Variants in HK3 observed in about 807,000 individuals in gnomAD.
HK3 encodes hexokinase-3.
In HK3, 93 loss-of-function variants were observed where a neutral mutation model predicts 91.0. The observed-to-expected ratio is 1.02, with a 90% confidence interval of 0.86 to 1.21. HK3 has a LOEUF of 1.21. HK3 is among the 50% of genes most tolerant of loss of function. The pLI is 0.00. For missense variants in HK3, 1,235 were observed against 1,247.4 expected (o/e 0.99, Z 0.15); for synonymous variants, 519 against 516.9 (o/e 1.00, Z -0.06).
chr5:176,896,255 C>A, intron 1 of HK3, 70 bp from the exon 2 acceptor site: 3 of 725,296 alleles, frequency 4.1e-6, no homozygotes, highest in South Asian at 2.3e-5. Flanking sequence ...TAACCCAGAC[C>A]AACTTCCTTC....
intron 8 of HK3, 55 bp from the exon 9 acceptor site, chr5:176,888,919 G>A: frequency 1.3e-6 from 2 of 1,576,756 alleles, no homozygotes; most frequent in South Asian, 1.1e-5. Flanking sequence ...CAGTCCACCT[G>A]GCCCTACCTC....
chr5:176,897,669 C>T (rs1156310901), intron 1 of HK3, among the ~76,000 whole-genome samples: 3 of 152,302 alleles, frequency 2.0e-5, no homozygotes, highest in East Asian at 1.9e-4. Flanking sequence ...TTGGCTTTCA[C>T]GGCCAGTCTC....
chr5:176,882,007 G>A lies in HK3; in HGVS notation c.2174C>T (p.Ala725Val), dbSNP rs2149372826. 1.9e-6 allele frequency: 3 copies of A among 1,613,336 alleles called. No homozygotes were observed. In the East Asian group the frequency reaches 6.7e-5, roughly 36 times the overall value. Residue 725 changes from alanine to valine, a missense_variant, in exon 16 of 19, where the codon GCC becomes GTC. Coordinates refer to ENST00000292432, the MANE Select transcript of HK3 (RefSeq NM_002115.3). ...TGCATCAAAGCGGGTGCTGAGCATG[G>A]CCAGAGAGCCATCGTCCCCAAAGGC... is the stretch of plus-strand genomic sequence containing the variant. ...WGAFGDDGSL[A>V]MLSTRFDASV...
chr5:176,893,869 G>A (rs1194086675), intron 2 of HK3, among the ~76,000 whole-genome samples: 2 of 152,182 alleles, frequency 1.3e-5, no homozygotes, highest in African/African-American at 2.4e-5. Flanking sequence ...GGAAGAGCAG[G>A]GAGAGACCTC....
At chr5:176,889,832 T>A in intron 6 of HK3, 88 bp from the exon 7 acceptor site, 1 of 1,024,378 alleles carries the variant, frequency 9.8e-7, no homozygotes, top group Non-Finnish European at 1.5e-6. Context: ...GGCCCTGGCT[T>A]TGAAGGAGAT....
At chr5:176,888,928 T>C in intron 8 of HK3, 64 bp from the exon 9 acceptor site, 1 of 1,539,042 alleles carries the variant, frequency 6.5e-7, no homozygotes, top group Non-Finnish European at 8.8e-7. Context: ...TGGCCCTACC[T>C]CCAAGAGTTC....
At position 176,882,933 on chromosome 5, in the gene HK3, T is replaced by C. The variant is rs370001759; in HGVS notation, c.2054-806A>G. 3.9e-5 allele frequency among the ~76,000 whole-genome samples: 6 copies of C among 152,142 alleles called. No homozygotes were observed. In the East Asian group the frequency reaches 1.2e-3, roughly 29 times the overall value. ...GTGCCAGGTGCTGGGTTCAAAAACCTCCCCCTCAAGAGAGGCTGCCACATG... is the reference window on the plus strand; with the variant it reads ...GTGCCAGGTGCTGGGTTCAAAAACCCCCCCCTCAAGAGAGGCTGCCACATG... On this transcript the variant is annotated intron_variant, in intron 15 of 18. Transcript: ENST00000292432.
At chr5:176,895,428 C>A (rs1019471977) in intron 2 of HK3, among the ~76,000 whole-genome samples, 1 of 152,184 alleles carries the variant, frequency 6.6e-6, no homozygotes, top group Non-Finnish European at 1.5e-5. Flanking sequence ...GAGGATTAGA[C>A]TTTATTTTCC....
chr5:176,883,730 G>A, intron 15 of HK3, 40 bp downstream of exon 15: 1 of 1,506,372 alleles, frequency 6.6e-7, no homozygotes, highest in Non-Finnish European at 9.2e-7. Context: ...GCAGCAAATT[G>A]CCAAGCAGTA....
At chr5:176,882,425 G>A (rs983569625) in intron 15 of HK3, among the ~76,000 whole-genome samples, 2 of 152,192 alleles carry the variant, frequency 1.3e-5, no homozygotes, top group African/African-American at 4.8e-5. Context: ...TGGGAGACAT[G>A]TGACATCCCC....
chr5:176,887,629 G>GGCAGGCGCCGGTGGGCAGCCAGACGT lies in HK3; in HGVS notation c.1421_1422insACGTCTGGCTGCCCACCGGCGCCTGC (p.Leu483ProfsTer19). 6.2e-7 allele frequency: 1 copy of GGCAGGCGCCGGTGGGCAGCCAGACGT among 1,613,552 alleles called. No individual in the cohort carries two copies. The highest frequency in any genetic ancestry group is 8.5e-7 in the Non-Finnish European group (1 of 1,179,918). On this transcript the variant is annotated frameshift_variant, in exon 11 of 19. Transcript: ENST00000292432. LOFTEE classifies it high-confidence loss of function. The surrounding 1 kb of genome is among the most constrained non-coding windows in gnomAD (Gnocchi z 4.9). ...GCAGGCGCCGGTGGGCAGCCAGACGGGCAGCCACGGCAGTCACCATCGCCA... is the reference window on the plus strand; with the variant it reads ...GCAGGCGCCGGTGGGCAGCCAGACGGGCAGGCGCCGGTGGGCAGCCAGACGTGCAGCCACGGCAGTCACCATCGCCA...
Position 176,890,953 on chromosome 5 carries a change from G to A in HK3, c.415-12C>T. The A allele has an allele frequency of 6.2e-7, 1 of 1,613,998 alleles. No homozygotes were observed. Among genetic ancestry groups the A allele is most frequent in the Middle Eastern group, 1.7e-4 (1 of 6,060 alleles). On this transcript the variant is annotated splice_polypyrimidine_tract_variant and intron_variant, in intron 4 of 18. Coordinates refer to ENST00000292432, the MANE Select transcript of HK3 (RefSeq NM_002115.3). ...GCAAAGTCAAAGAGCTGCAGGAGAA[G>A]TGGGGGGGCTCAGCCTTGCCCATCT...
In HK3 at chr5:176,887,138, G is replaced by A. The variant is rs911890091; in HGVS notation, c.1738-17C>T. ...GTCAAAGAGCTGTGGGGCAGGACAGGTCAGGCGTAGGCACTGCTCAGCCCT... is the reference window on the plus strand; with the variant it reads ...GTCAAAGAGCTGTGGGGCAGGACAGATCAGGCGTAGGCACTGCTCAGCCCT... On this transcript the variant is annotated splice_polypyrimidine_tract_variant and intron_variant, in intron 12 of 18. Coordinates refer to ENST00000292432, the MANE Select transcript of HK3 (RefSeq NM_002115.3). The surrounding 1 kb of genome is among the most constrained non-coding windows in gnomAD (Gnocchi z 4.9). 3.7e-6 allele frequency: 6 copies of A among 1,614,196 alleles called. No homozygotes were observed. The African/African-American group carries it at 4.0e-5, about 11-fold the overall frequency.
chr5:176,880,985 G>T lies in HK3; in HGVS notation c.*88C>A. 6.9e-7 allele frequency: 1 copy of T among 1,442,450 alleles called. No individual in the cohort carries two copies. The allele number at this position is 1,442,450 out of a possible 1,614,324, so 89.4% of individuals were successfully genotyped here. A position where few individuals can be genotyped will look rare whatever the true frequency, so the allele number is the denominator to read the frequency against. ...ACACATGGGATGTCCCAGGAGTCCT[G>T]GGTGGCTGGGCCTGGCTGGGAAACA... On this transcript the variant is annotated 3_prime_UTR_variant, in exon 19 of 19. Transcript: ENST00000292432.
chr5:176,882,122 C>A lies in HK3; in HGVS notation c.2059G>T (p.Gly687Cys). 1 of 1,612,858 alleles carries A rather than the reference C, an allele frequency of 6.2e-7. No homozygotes were observed. The highest frequency in any genetic ancestry group is 8.5e-7 in the Non-Finnish European group (1 of 1,179,982). ...TCCTCCATGTAGCAGGCATTGGTGC[C>A]GGTTCCTGCAGAGAGGCCAGACAAC... Reference protein sequence around the residue: ...RCEIGLIVGTGTNACYMEELR... With the variant: ...RCEIGLIVGTCTNACYMEELR... The change falls in exon 16 of 19, where the codon GGC becomes TGC. Residue 687 changes from glycine to cysteine, a missense_variant. Physicochemically the swap from Gly to Cys is radical, Grantham distance 159 (BLOSUM62 -3). Transcript: ENST00000292432.
Position 176,881,229 on chromosome 5 carries a change from GGGCTGAGGTGAGCCCA to G in HK3, c.2628-28_2628-13del, listed in dbSNP as rs1561674739. ...CCAGGCTGGAGAAGCTGTGAGAGGAGGGCTGAGGTGAGCCCAGGCCACCAGCCCCACCTGGCCACAC... is the reference window on the plus strand; with the variant it reads ...CCAGGCTGGAGAAGCTGTGAGAGGAGGGCCACCAGCCCCACCTGGCCACAC... On this transcript the variant is annotated splice_polypyrimidine_tract_variant and intron_variant, in intron 18 of 18. Transcript: ENST00000292432. 6.2e-7 allele frequency: 1 copy of G among 1,613,172 alleles called. No individual in the cohort carries two copies. Among genetic ancestry groups the G allele is most frequent in the Admixed American group, 1.7e-5 (1 of 60,006 alleles).
At chr5:176,897,254 T>C (rs1292171321) in intron 1 of HK3, among the ~76,000 whole-genome samples, 1 of 152,166 alleles carries the variant, frequency 6.6e-6, no homozygotes, top group Non-Finnish European at 1.5e-5. Flanking sequence ...CTTTGCACAC[T>C]GTAAGGAACT....
At position 176,891,540 on chromosome 5, in the gene HK3, C is replaced by T. The variant is rs1758775730; in HGVS notation, c.107G>A (p.Cys36Tyr). Residue 36 changes from cysteine (C) to tyrosine (Y), a missense_variant, in exon 3 of 19, where the codon TGC becomes TAC. Coordinates refer to ENST00000292432, the MANE Select transcript of HK3 (RefSeq NM_002115.3). ...CCTTGTCACCTTGAACTGCTGCAGGCACTCCTGCACCTGGGGAGAAACAGG... is the reference window on the plus strand; with the variant it reads ...CCTTGTCACCTTGAACTGCTGCAGGTACTCCTGCACCTGGGGAGAAACAGG... Reference protein sequence around the residue: ...PSDSSELVQECLQQFKVTRAQ... With the variant: ...PSDSSELVQEYLQQFKVTRAQ... 1 of 1,610,980 alleles carries T rather than the reference C, an allele frequency of 6.2e-7. No individual in the cohort carries two copies. The highest frequency in any genetic ancestry group is 8.5e-7 in the Non-Finnish European group (1 of 1,178,604).
chr5:176,896,836 C>G (rs573864633), intron 1 of HK3, among the ~76,000 whole-genome samples: 15 of 152,206 alleles, frequency 9.9e-5, no homozygotes, highest in Non-Finnish European at 2.2e-4. Context: ...CAGCTTCCAT[C>G]CATAAAACAG....
Sources: allele counts gnomAD v4.1 joint callset (sites outside exome capture counted in the v4.1 genomes callset), GRCh38; gene constraint gnomAD v4.1.1; non-coding constraint Gnocchi (gnomAD v3.1); transcripts MANE v1.5; gene names NCBI Gene and HGNC (gene_info 2026-07-23, HGNC 2026-07-21).